MUS81: variants seen among roughly 807,000 people sequenced by gnomAD.
The protein encoded by MUS81 is structure-specific endonuclease subunit MUS81.
Under a neutral mutation model 74.2 loss-of-function variants are expected in MUS81, and 69 were observed. The observed-to-expected ratio is 0.93, with a 90% confidence interval of 0.77 to 1.14. MUS81 has a LOEUF of 1.14. Among genes scored for constraint, MUS81 ranks in the 50% most tolerant of loss-of-function variants. The pLI is 0.00. For missense variants in MUS81, 711 were observed against 726.5 expected (o/e 0.98, Z 0.25); for synonymous variants, 303 against 300.6 (o/e 1.01, Z -0.08).
intron 14 of MUS81, chr11:65,865,557 A>G: frequency 1.6e-6 from 1 of 623,652 alleles, no homozygotes; most frequent in Admixed American, 3.0e-5. Flanking sequence ...GGTGGAGAAG[A>G]GGCTTCCTGG....
downstream of MUS81, chr11:65,866,654 G>C (rs542945122): frequency 1.4e-6 from 1 of 703,568 alleles, no homozygotes; most frequent in African/African-American, 1.7e-5. Flanking sequence ...CTCTCCTCTC[G>C]GGGTGACTGA....
At chr11:65,862,894 G>C (rs1043575586) in intron 6 of MUS81, among the ~76,000 whole-genome samples, 171 bp from the exon 7 acceptor site, 3 of 152,222 alleles carry the variant, frequency 2.0e-5, no homozygotes, top group Non-Finnish European at 4.4e-5. Flanking sequence ...CGCTGAGCAG[G>C]CCCAAGGAAC....
chr11:65,864,853 C>T, intron 12 of MUS81, 38 bp downstream of exon 12: 2 of 1,597,718 alleles, frequency 1.3e-6, no homozygotes, highest in Non-Finnish European at 1.7e-6. Flanking sequence ...GGGACAGAGC[C>T]CACAAGGAAT....
downstream of MUS81, chr11:65,867,607 G>A (rs1859876971): frequency 1.9e-6 from 1 of 534,664 alleles, no homozygotes; most frequent in Non-Finnish European, 3.4e-6. Flanking sequence ...TTGGTTTGTG[G>A]GTGAAGAAAC....
intron 7 of MUS81, 46 bp downstream of exon 7, chr11:65,863,251 G>A (rs368319764): frequency 9.4e-5 from 150 of 1,590,814 alleles, no homozygotes; most frequent in Non-Finnish European, 1.2e-4. Context: ...AGGAGGGGAT[G>A]GGAAATGAGG....
At position 65,864,534 on chromosome 11, in the gene MUS81, A is replaced by G. The variant is rs1213468273; in HGVS notation, c.1097A>G (p.Tyr366Cys). The change falls in exon 11 of 16, where the codon TAC (tyrosine) becomes TGC (cysteine). Residue 366 changes from tyrosine to cysteine, a missense_variant. Physicochemically the swap from Tyr to Cys is radical, Grantham distance 194. Coordinates refer to ENST00000308110, the MANE Select transcript of MUS81 (RefSeq NM_025128.5). ...CGCTGTGGTCTGGAGCGCCGGGTAT[A>G]CCTGGTGGAAGAGCATGGTTCCGTC... The part of the protein sequence containing the change: ...LKRCGLERRV[Y>C]LVEEHGSVHN... 4 of 1,614,120 alleles carry G rather than the reference A, an allele frequency of 2.5e-6. No homozygotes were observed. The highest frequency in any genetic ancestry group is 2.5e-6 in the Non-Finnish European group (3 of 1,180,016).
rs750414392 is a variant in MUS81 at position 65,862,030 on chromosome 11, C to G, written c.435C>G (p.Leu145=). Residue 145 remains leucine (L), a synonymous_variant, in exon 4 of 16, where the codon CTC becomes CTG. Transcript: ENST00000308110. The part of the protein sequence containing the change: ...HSGARVILLV[L]YREHLNPNGH... ...GAGCCCGAGTGATACTGCTGGTGCT[C>G]TACCGGGAGCACCTGGTGAGCACTG... is the stretch of plus-strand genomic sequence containing the variant. 3.5e-5 allele frequency: 57 copies of G among 1,608,932 alleles called. No homozygotes were observed. Among genetic ancestry groups the G allele is most frequent in the Non-Finnish European group, 4.3e-5 (51 of 1,178,124 alleles).
intron 3 of MUS81, 137 bp downstream of exon 3, chr11:65,861,572 C>T: frequency 1.5e-6 from 1 of 678,312 alleles, no homozygotes; most frequent in Admixed American, 2.9e-5. Context: ...ATCCTCTTTT[C>T]GACTTAGTAT....
intron 12 of MUS81, 56 bp from the exon 13 acceptor site, chr11:65,864,961 C>G: frequency 6.2e-7 from 1 of 1,604,520 alleles, no homozygotes; most frequent in South Asian, 1.1e-5. Flanking sequence ...TGGGCAGGGG[C>G]TGGCTGGAGT....
chr11:65,861,275 T>C, intron 2 of MUS81, 75 bp from the exon 3 acceptor site: 1 of 1,539,320 alleles, frequency 6.5e-7, no homozygotes, highest in East Asian at 2.4e-5. Context: ...CGTAACCATC[T>C]GAGTAGGTTG....
At position 65,866,096 on chromosome 11, in the gene MUS81, C is replaced by T; in HGVS notation, c.*44C>T. The stretch of plus-strand genomic sequence containing the variant: ...CCCCCAGCCCCCGTCTGTCCCCCAA[C>T]CCAGGCTAGCCAGCCTTTTAACAAC... On this transcript the variant is annotated 3_prime_UTR_variant, in exon 16 of 16. Transcript: ENST00000308110. The T allele has an allele frequency of 6.4e-7, 1 of 1,562,258 alleles. No individual in the cohort carries two copies. The highest frequency in any genetic ancestry group is 8.7e-7 in the Non-Finnish European group (1 of 1,147,602).
downstream of MUS81, chr11:65,866,635 C>T (rs373353116): frequency 4.3e-6 from 3 of 703,400 alleles, no homozygotes; most frequent in East Asian, 2.7e-5. Flanking sequence ...CCGCCCTCCT[C>T]GTTACCTCCT....
At chr11:65,866,911 C>T, downstream of MUS81, 1 of 1,614,142 alleles carries the variant, frequency 6.2e-7, no homozygotes, top group Non-Finnish European at 8.5e-7. Flanking sequence ...TGGCTCCCTC[C>T]TGCTCCTCAG....
Position 65,860,607 on chromosome 11 carries a change from T to G in MUS81, c.-147T>G. On this transcript the variant is annotated 5_prime_UTR_variant, in exon 1 of 16. Transcript: ENST00000308110. The stretch of plus-strand genomic sequence containing the variant: ...TCTCCTCTCGTTAGTGCCCCCTGTG[T>G]TTGGGGCCCCGTGATCTCAACGGTC... 7 of 1,143,350 alleles carry G rather than the reference T, an allele frequency of 6.1e-6. No individual in the cohort carries two copies. The highest frequency in any genetic ancestry group is 7.5e-6 in the Non-Finnish European group (6 of 800,968). 70.8% of individuals were successfully genotyped at this position (1,143,350 alleles called of 1,614,324 possible). A position where few individuals can be genotyped will look rare whatever the true frequency, so the allele number is the denominator to read the frequency against.
chr11:65,863,718 C>G lies in MUS81; in HGVS notation c.958C>G (p.Pro320Ala), dbSNP rs1859705552. The G allele has an allele frequency of 6.2e-7, 1 of 1,613,862 alleles. No individual in the cohort carries two copies. Among genetic ancestry groups the G allele is most frequent in the African/African-American group, 1.3e-5 (1 of 74,876 alleles). ...WVAQETNPRD[P>A]ANPGELVLDH... ...GGCCCAGGAGACCAATCCTAGAGAC[C>G]CAGGTGAAGGGCCGTGGACAGGCTG... The change falls in exon 9 of 16, where the codon CCA becomes GCA. Residue 320 changes from proline to alanine, a missense_variant. Pro to Ala is a conservative substitution (Grantham distance 27). Transcript: ENST00000308110.
downstream of MUS81, chr11:65,866,544 C>T (rs921849419): frequency 5.7e-6 from 4 of 702,752 alleles, no homozygotes; most frequent in Admixed American, 2.0e-5. Context: ...AACCCAGGGC[C>T]TCCTGGCGCT....
chr11:65,860,601 C>A lies in MUS81; in HGVS notation c.-153C>A. ...GCAGGCTCTCCTCTCGTTAGTGCCC[C>A]CTGTGTTTGGGGCCCCGTGATCTCA... is the stretch of plus-strand genomic sequence containing the variant. On this transcript the variant is annotated 5_prime_UTR_variant, in exon 1 of 16. Coordinates refer to ENST00000308110, the MANE Select transcript of MUS81 (RefSeq NM_025128.5). The A allele has an allele frequency of 9.6e-7, 1 of 1,036,564 alleles. No individual in the cohort carries two copies. Among genetic ancestry groups the A allele is most frequent in the Non-Finnish European group, 1.4e-6 (1 of 705,326 alleles). 64.2% of individuals were successfully genotyped at this position (1,036,564 alleles called of 1,614,324 possible).
chr11:65,862,571 T>C (rs1399514952), intron 6 of MUS81, 42 bp downstream of exon 6: 3 of 1,576,042 alleles, frequency 1.9e-6, no homozygotes, highest in Non-Finnish European at 2.6e-6. Context: ...ATGAGTGAAC[T>C]TCTTAGTAGG....
chr11:65,861,266 G>T (rs1056340596), intron 2 of MUS81, 84 bp from the exon 3 acceptor site: 1 of 1,535,908 alleles, frequency 6.5e-7, no homozygotes. Context: ...CCGGTCTCAC[G>T]TAACCATCTG....
Sources: allele counts gnomAD v4.1 joint callset (sites outside exome capture counted in the v4.1 genomes callset), GRCh38; gene constraint gnomAD v4.1.1; transcripts MANE v1.5; gene names NCBI Gene and HGNC (gene_info 2026-07-23, HGNC 2026-07-21).